AVL9: variants seen among roughly 807,000 people sequenced by gnomAD.
AVL9 encodes the protein AVL9 cell migration associated.
AVL9 carries 49 observed loss-of-function variants against 79.2 expected under a neutral mutation model. The observed-to-expected ratio is 0.62, with a 90% CI of 0.49 to 0.79. AVL9 has a LOEUF of 0.79. Among genes scored for constraint, AVL9 ranks in the 30% least tolerant of loss-of-function variants. The pLI is 0.00. For synonymous variants in AVL9, 299 were observed against 280.6 expected, an observed-to-expected ratio of 1.07 and a Z score of -0.65; for missense variants, 682 against 776.8, an observed-to-expected ratio of 0.88 and a Z score of 1.45.
At chr7:32,569,179 T>C (rs553361553) in intron 10 of AVL9, among the ~76,000 whole-genome samples, 1 of 152,256 alleles carries the variant, frequency 6.6e-6, no homozygotes, top group South Asian at 2.1e-4. Flanking sequence ...TGTAAAAAAA[T>C]AAAACTTATA....
intron 1 of AVL9, among the ~76,000 whole-genome samples, chr7:32,540,695 C>T (rs991652362): frequency 1.7e-4 from 26 of 152,026 alleles, no homozygotes; most frequent in Middle Eastern, 3.2e-3. Flanking sequence ...CTTGATAATA[C>T]GGCCAAGTTG....
At chr7:32,565,309 G>T (rs33999676) in intron 10 of AVL9, among the ~76,000 whole-genome samples, 8 of 152,142 alleles carry the variant, frequency 5.3e-5, no homozygotes, top group African/African-American at 1.9e-4. Flanking sequence ...CCTGTAATCC[G>T]AGCACTTTGA....
In AVL9 at chr7:32,503,365, T is replaced by TACACACACAC. The variant is rs796351504; in HGVS notation, c.93+7564_93+7565insCACACACACA. On this transcript the variant is annotated intron_variant, in intron 1 of 15. Transcript: ENST00000318709. ...ATATAGATATAGATATAGAGAGATA[T>TACACACACAC]ATATATATACACACACACACACACA... Among the ~76,000 whole-genome samples, 666 of 103,058 alleles carry TACACACACAC rather than the reference T, an allele frequency of 6.5e-3. 1 individual carries two copies. The highest frequency in any genetic ancestry group is 0.014 in the African/African-American group (340 of 24,978). The allele number at this position is 103,058 out of a possible 152,430, so 67.6% of individuals were successfully genotyped here.
At chr7:32,551,529 C>T (rs1040570215) in intron 5 of AVL9, 106 bp downstream of exon 5, 2 of 483,046 alleles carry the variant, frequency 4.1e-6, no homozygotes, top group African/African-American at 2.1e-5. Context: ...TTAAGAAAGA[C>T]ATTCTAATGT....
intron 3 of AVL9, among the ~76,000 whole-genome samples, chr7:32,545,596 C>CT (rs1369519716): frequency 6.6e-6 from 1 of 151,972 alleles, no homozygotes; most frequent in Admixed American, 6.6e-5. Flanking sequence ...TCTCGAACTC[C>CT]TGAGCTCAAG....
intron 15 of AVL9, chr7:32,581,158 C>G: frequency 4.7e-6 from 2 of 429,056 alleles, no homozygotes; most frequent in Non-Finnish European, 8.4e-6. Flanking sequence ...AGTTTTCTTC[C>G]CCCATTCCCT....
At chr7:32,571,613 A>G (rs1790848893) in intron 11 of AVL9, among the ~76,000 whole-genome samples, 1 of 151,566 alleles carries the variant, frequency 6.6e-6, no homozygotes, top group Non-Finnish European at 1.5e-5. Context: ...TCTTGGGTGA[A>G]TGGTTATAAT....
rs1317501768 is a variant in AVL9, at chr7:32,559,359, T to A, written c.1110T>A (p.Ile370=). The change falls in exon 10 of 16, where the codon ATT becomes ATA. Residue 370 remains isoleucine, a synonymous_variant. Coordinates refer to ENST00000318709, the MANE Select transcript of AVL9 (RefSeq NM_015060.3). The part of the protein sequence containing the change: ...KDSVPSESLP[I]TVQPQANTGQ... ...CTGTCCCCTCAGAGAGTCTTCCAATTACTGTACAACCTCAAGCTAATACGG... is the reference window on the plus strand; with the variant it reads ...CTGTCCCCTCAGAGAGTCTTCCAATAACTGTACAACCTCAAGCTAATACGG... 1.2e-6 allele frequency: 2 copies of A among 1,613,942 alleles called. No homozygotes were observed. The highest frequency in any genetic ancestry group is 1.7e-6 in the Non-Finnish European group (2 of 1,180,024).
chr7:32,550,826 A>C (rs1789779536), intron 4 of AVL9, among the ~76,000 whole-genome samples: 1 of 152,182 alleles, frequency 6.6e-6, no homozygotes, highest in African/African-American at 2.4e-5. Flanking sequence ...TAGATATAAA[A>C]ACAAGCTGTT....
intron 1 of AVL9, among the ~76,000 whole-genome samples, chr7:32,542,420 G>A (rs1356822759): frequency 3.3e-5 from 5 of 151,630 alleles, no homozygotes. Context: ...GCCGAGCGTG[G>A]TGGCACACGC....
chr7:32,534,635 G>A (rs900102467), intron 1 of AVL9: 1 of 152,208 alleles, frequency 6.6e-6, no homozygotes, highest in Non-Finnish European at 1.5e-5. Flanking sequence ...TTGTTATGCA[G>A]ATTGAACTTG....
intron 1 of AVL9, among the ~76,000 whole-genome samples, chr7:32,511,495 AG>A (rs1018885258): frequency 3.4e-4 from 52 of 152,244 alleles, no homozygotes; most frequent in Non-Finnish European, 6.3e-4. Context: ...GATAAGATGC[AG>A]GGGTGTACTA....
In AVL9 at chr7:32,548,927, C is replaced by T. The variant is rs377071081; in HGVS notation, c.372+9C>T. The T allele has an allele frequency of 2.8e-4, 427 of 1,540,618 alleles. No homozygotes were observed. Among genetic ancestry groups the T allele is most frequent in the Non-Finnish European group, 3.4e-4 (386 of 1,144,352 alleles). On this transcript the variant is annotated intron_variant, in intron 4 of 15. Transcript: ENST00000318709. ...GTGTTCTAAGCAAGCTGGTAAGAGA[C>T]GAAGTAACTTGTTCATTATGTTAAA...
intron 1 of AVL9, among the ~76,000 whole-genome samples, chr7:32,519,033 G>C (rs940744352): frequency 2.0e-5 from 3 of 152,268 alleles, no homozygotes; most frequent in South Asian, 2.1e-4. Context: ...TTTTGGTTCT[G>C]CTTTTGTCTG....
At chr7:32,496,018 G>A (rs1786790001) in intron 1 of AVL9, among the ~76,000 whole-genome samples, 1 of 148,046 alleles carries the variant, frequency 6.8e-6, no homozygotes, top group South Asian at 2.3e-4. Context: ...CCTGAAAAAT[G>A]GTTGAGCAGC....
At chr7:32,539,473 TTC>T (rs1363550213) in intron 1 of AVL9, among the ~76,000 whole-genome samples, 3 of 152,198 alleles carry the variant, frequency 2.0e-5, no homozygotes, top group Non-Finnish European at 4.4e-5. Flanking sequence ...CATTAACTTG[TTC>T]TCTCAAACAT....
intron 3 of AVL9, among the ~76,000 whole-genome samples, chr7:32,548,255 C>A (rs940206568): frequency 2.6e-5 from 4 of 151,534 alleles, no homozygotes; most frequent in African/African-American, 9.7e-5. Context: ...TCAAGCAATT[C>A]TCTTGCCTCG....
intron 10 of AVL9, among the ~76,000 whole-genome samples, chr7:32,567,791 T>C (rs1790649807): frequency 6.6e-6 from 1 of 152,070 alleles, no homozygotes; most frequent in African/African-American, 2.4e-5. Flanking sequence ...CTCAGCTCAC[T>C]GCAACCTCCA....
chr7:32,530,107 G>T (rs1788585232), intron 1 of AVL9, among the ~76,000 whole-genome samples: 1 of 152,022 alleles, frequency 6.6e-6, no homozygotes, highest in African/African-American at 2.4e-5. Context: ...TTAATTATTG[G>T]ATTTAAGTTT....
Sources: gnomAD v4.1 joint callset for allele counts (sites outside exome capture counted in the v4.1 genomes callset) on GRCh38, gnomAD v4.1.1 for gene constraint, MANE v1.5 for transcripts, NCBI Gene and HGNC (gene_info 2026-07-23, HGNC 2026-07-21) for gene names.